ZNF423: variants seen among roughly 807,000 people sequenced by gnomAD.
The protein encoded by ZNF423 is Ebf-associated zinc finger protein.
ZNF423 carries 12 observed loss-of-function variants against 95.8 expected under a neutral mutation model. That is an observed-to-expected ratio of 0.13 (90% CI 0.08 to 0.20). ZNF423 has a LOEUF of 0.20. Among genes scored for constraint, ZNF423 ranks in the 10% least tolerant of loss-of-function variants. The probability of loss-of-function intolerance (pLI) is 1.00; values close to 1 mark genes in which losing one functional copy is unlikely to be tolerated. For missense variants in ZNF423, 1,316 were observed against 1,737.1 expected, an observed-to-expected ratio of 0.76 and a Z score of 4.31; for synonymous variants, 749 against 711.9, an observed-to-expected ratio of 1.05 and a Z score of -0.83.
chr16:49,534,849 G>A (rs761039366), intron 5 of ZNF423, among the ~76,000 whole-genome samples: 7 of 152,052 alleles, frequency 4.6e-5, no homozygotes, highest in African/African-American at 1.7e-4. Flanking sequence ...CCATATTTGC[G>A]ATGGCGAAAC....
At chr16:49,587,491 C>T (rs1970880124) in intron 5 of ZNF423, among the ~76,000 whole-genome samples, 1 of 152,084 alleles carries the variant, frequency 6.6e-6, no homozygotes, top group Non-Finnish European at 1.5e-5. Flanking sequence ...AGGAGCTGAT[C>T]TAGGAGCTGC....
chr16:49,534,155 A>C (rs1471046093), intron 5 of ZNF423, among the ~76,000 whole-genome samples: 1 of 152,076 alleles, frequency 6.6e-6, no homozygotes, highest in African/African-American at 2.4e-5. Context: ...GAGCACAAAA[A>C]ATTTTTAAAA....
chr16:49,531,800 C>G (rs749023248), intron 5 of ZNF423, among the ~76,000 whole-genome samples: 9 of 152,104 alleles, frequency 5.9e-5, no homozygotes, highest in African/African-American at 2.2e-4. Flanking sequence ...GGAGGATGAC[C>G]ATGGGAGCCC....
chr16:49,599,122 C>T (rs1971276075), intron 5 of ZNF423, among the ~76,000 whole-genome samples: 2 of 152,144 alleles, frequency 1.3e-5, no homozygotes, highest in African/African-American at 4.8e-5. Context: ...CAGACATGCA[C>T]ACAACATGCT....
At chr16:49,853,859 G>C (rs2035327997) in intron 1 of ZNF423, 1 of 985,362 alleles carries the variant, frequency 1.0e-6, no homozygotes, top group African/African-American at 1.7e-5. Context: ...AGGAGGTTTG[G>C]AGAAGTGGAT....
At chr16:49,713,541 G>A (rs1296689265) in intron 3 of ZNF423, among the ~76,000 whole-genome samples, 1 of 152,034 alleles carries the variant, frequency 6.6e-6, no homozygotes, top group Non-Finnish European at 1.5e-5. Flanking sequence ...TGGCCTAAAT[G>A]CCCCTCCCCG....
intron 7 of ZNF423, among the ~76,000 whole-genome samples, chr16:49,499,038 G>A (rs904786036): frequency 1.3e-5 from 2 of 152,160 alleles, no homozygotes; most frequent in South Asian, 4.1e-4. Context: ...ATCCCCCGGG[G>A]CCCAGGCTAT....
chr16:49,788,596 T>C (rs1305020362), intron 2 of ZNF423, among the ~76,000 whole-genome samples: 1 of 152,240 alleles, frequency 6.6e-6, no homozygotes, highest in East Asian at 1.9e-4. Context: ...TTGGACTGAA[T>C]GTTCCCTCAT....
chr16:49,617,104 C>T (rs1338407454), intron 5 of ZNF423, among the ~76,000 whole-genome samples: 1 of 152,168 alleles, frequency 6.6e-6, no homozygotes, highest in East Asian at 1.9e-4. Flanking sequence ...GGGGGGCAGA[C>T]ACCCAGGAAG....
chr16:49,611,340 T>C (rs954768121), intron 5 of ZNF423, among the ~76,000 whole-genome samples: 7 of 151,936 alleles, frequency 4.6e-5, no homozygotes, highest in Admixed American at 1.3e-4. Flanking sequence ...TAGAAATTAA[T>C]AGCAGAAAGG....
At chr16:49,754,070 G>T (rs1398492887) in intron 2 of ZNF423, among the ~76,000 whole-genome samples, 2 of 151,342 alleles carry the variant, frequency 1.3e-5, no homozygotes, top group Non-Finnish European at 2.9e-5. Flanking sequence ...GGTGGAGGAA[G>T]AATAGTTTGT....
chr16:49,613,140 A>G (rs955468778), intron 5 of ZNF423, among the ~76,000 whole-genome samples: 2 of 152,226 alleles, frequency 1.3e-5, no homozygotes, highest in Non-Finnish European at 2.9e-5. Context: ...AGTCAAAATT[A>G]CAGCAAGAAT....
chr16:49,506,007 C>T (rs963248907), intron 7 of ZNF423, among the ~76,000 whole-genome samples: 2 of 152,284 alleles, frequency 1.3e-5, no homozygotes, highest in South Asian at 2.1e-4. Flanking sequence ...TTATCTATAT[C>T]GCCAGTCTGT....
At chr16:49,663,970 C>T in intron 3 of ZNF423, 1 of 676,014 alleles carries the variant, frequency 1.5e-6, no homozygotes. Flanking sequence ...ATTCCACTCC[C>T]CAACGCGCCG....
At chr16:49,853,341 C>A (rs553114780) in intron 1 of ZNF423, among the ~76,000 whole-genome samples, 1 of 152,060 alleles carries the variant, frequency 6.6e-6, no homozygotes, top group South Asian at 2.1e-4. Context: ...AATCCCTCAC[C>A]TGCTGGAACT....
At chr16:49,526,420 G>A (rs959417589) in intron 5 of ZNF423, among the ~76,000 whole-genome samples, 3 of 152,148 alleles carry the variant, frequency 2.0e-5, no homozygotes, top group Non-Finnish European at 4.4e-5. Context: ...AGGCGCCGGG[G>A]GACACAGAGT....
Position 49,716,986 on chromosome 16 carries a change from G to T in ZNF423, c.301+13785C>A, listed in dbSNP as rs183573217. Among the ~76,000 whole-genome samples the T allele has an allele frequency of 1.1e-4, 17 of 152,194 alleles. 1 individual carries two copies. In the East Asian group the frequency reaches 2.7e-3, roughly 24 times the overall value. ...AGGATCTCAAGGTTTGAAGGAACCT[G>T]ATAAATCCACATGCCCATCTCTCAG... On this transcript the variant is annotated intron_variant, in intron 3 of 7. Coordinates refer to ENST00000563137, the MANE Select transcript of ZNF423 (RefSeq NM_001379286.1).
intron 4 of ZNF423, among the ~76,000 whole-genome samples, chr16:49,633,860 C>T (rs1972587962): frequency 6.6e-6 from 1 of 152,130 alleles, no homozygotes; most frequent in African/African-American, 2.4e-5. Context: ...AGGAGAGACT[C>T]CAGGCCCCAG....
At chr16:49,741,369 T>C (rs1323677861) in intron 2 of ZNF423, among the ~76,000 whole-genome samples, 2 of 151,974 alleles carry the variant, frequency 1.3e-5, no homozygotes, top group African/African-American at 4.8e-5. Context: ...TAGCCGGGCA[T>C]GGTGGCGCAT....
Sources: allele counts gnomAD v4.1 joint callset (sites outside exome capture counted in the v4.1 genomes callset), GRCh38; gene constraint gnomAD v4.1.1; transcripts MANE v1.5; gene names NCBI Gene and HGNC (gene_info 2026-07-23, HGNC 2026-07-21).